Variants in PACRG observed in about 807,000 individuals in gnomAD.
PACRG encodes the protein parkin coregulated, also known as parkin coregulated gene protein.
In PACRG, 29 loss-of-function variants were observed where a neutral mutation model predicts 29.7. That is an observed-to-expected ratio of 0.98 (90% CI 0.73 to 1.33). The LOEUF (loss-of-function observed/expected upper bound fraction) is 1.33. Among genes scored for constraint, PACRG ranks in the 40% most tolerant of loss-of-function variants. The probability of loss-of-function intolerance (pLI) is 0.00; values close to 1 mark genes in which losing one functional copy is unlikely to be tolerated. For missense variants in PACRG, 279 were observed against 316.2 expected (o/e 0.88, Z 0.89); for synonymous variants, 116 against 118.7 (o/e 0.98, Z 0.15).
chr6:162,824,287 C>G (rs1240549740), intron 2 of PACRG, among the ~76,000 whole-genome samples: 1 of 152,100 alleles, frequency 6.6e-6, no homozygotes, highest in Non-Finnish European at 1.5e-5. Flanking sequence ...CCACCATCAC[C>G]CTTTTATTCT....
intron 2 of PACRG, among the ~76,000 whole-genome samples, chr6:162,950,185 T>C (rs1055182030): frequency 6.6e-6 from 1 of 152,184 alleles, no homozygotes; most frequent in Admixed American, 6.5e-5. Flanking sequence ...TTTACTGATA[T>C]GATGCAGTAA....
chr6:162,971,552 C>T (rs1801528597), intron 2 of PACRG, among the ~76,000 whole-genome samples: 1 of 152,218 alleles, frequency 6.6e-6, no homozygotes. Flanking sequence ...GTGCCCTCAT[C>T]ATCGCCTCTT....
intron 2 of PACRG, among the ~76,000 whole-genome samples, chr6:163,009,623 A>T (rs1805434434): frequency 6.6e-6 from 1 of 152,204 alleles, no homozygotes. Context: ...TGGCAATCCA[A>T]ATTATGAAAA....
At chr6:163,132,498 T>A (rs989954071) in intron 4 of PACRG, among the ~76,000 whole-genome samples, 2 of 152,208 alleles carry the variant, frequency 1.3e-5, no homozygotes, top group Non-Finnish European at 2.9e-5. Flanking sequence ...TATATCCATT[T>A]CCTCTAAGAA....
chr6:163,057,516 A>G (rs1462988163), intron 2 of PACRG, among the ~76,000 whole-genome samples: 1 of 152,120 alleles, frequency 6.6e-6, no homozygotes, highest in Non-Finnish European at 1.5e-5. Flanking sequence ...CCTGAGCTCA[A>G]GCAATCCTCC....
At chr6:163,296,940 A>G (rs374988867) in intron 4 of PACRG, among the ~76,000 whole-genome samples, 55 of 152,344 alleles carry the variant, frequency 3.6e-4, no homozygotes, top group African/African-American at 1.3e-3. Context: ...AATACCAGAT[A>G]ATTTCGAACT....
intron 1 of PACRG, among the ~76,000 whole-genome samples, chr6:162,770,994 G>A (rs1385768764): frequency 1.3e-5 from 2 of 152,040 alleles, no homozygotes; most frequent in Non-Finnish European, 2.9e-5. Flanking sequence ...CCATAAAGGA[G>A]TTTATAATCA....
chr6:163,062,149 G>T lies in PACRG; in HGVS notation c.292-1G>T. On this transcript the variant is annotated splice_acceptor_variant, in intron 2 of 4. Transcript: ENST00000366888. LOFTEE classifies it high-confidence loss of function. ...GGCGTCTCTTCTTTCTTTACTTTCA[G>T]GTAGAAATTGAGAAGCTGGATTACC... The T allele has an allele frequency of 6.2e-7, 1 of 1,613,476 alleles. No individual in the cohort carries two copies. The highest frequency in any genetic ancestry group is 8.5e-7 in the Non-Finnish European group (1 of 1,179,782).
intron 4 of PACRG, among the ~76,000 whole-genome samples, chr6:163,160,223 T>C (rs1235172687): frequency 1.3e-5 from 2 of 152,166 alleles, no homozygotes; most frequent in African/African-American, 4.8e-5. Flanking sequence ...TCCAAGAAAC[T>C]TAATAAAGAT....
rs527678800 is a variant in PACRG at position 162,841,561 on chromosome 6, A to G, written c.291+27280A>G. Among the ~76,000 whole-genome samples the G allele has an allele frequency of 3.2e-3, 488 of 151,818 alleles. 7 individuals carry two copies. The highest frequency in any genetic ancestry group is 0.011 in the African/African-American group (461 of 41,380). On this transcript the variant is annotated intron_variant, in intron 2 of 4. Transcript: ENST00000366888. The stretch of plus-strand genomic sequence containing the variant: ...CAAAAAACCAGCTCCTGGATTCATT[A>G]ATTTTTTGAAAGGGTTTTTGTGTCT...
rs1170650674 is a variant in PACRG at position 162,821,289 on chromosome 6, A to T, written c.291+7008A>T. Reference sequence around the variant, plus strand: ...TGTTCTTCAAACTAGGGCATACGCCATCTCATCGAGCTTGAAAGTCAACTG... The same window carrying T: ...TGTTCTTCAAACTAGGGCATACGCCTTCTCATCGAGCTTGAAAGTCAACTG... On this transcript the variant is annotated intron_variant, in intron 2 of 4. Transcript: ENST00000366888. Among the ~76,000 whole-genome samples the T allele has an allele frequency of 2.0e-5, 3 of 152,332 alleles. No individual in the cohort carries two copies. In the East Asian group the frequency reaches 5.8e-4, roughly 29 times the overall value.
chr6:163,157,611 C>A (rs1216675128), intron 4 of PACRG, among the ~76,000 whole-genome samples: 1 of 152,186 alleles, frequency 6.6e-6, no homozygotes, highest in Non-Finnish European at 1.5e-5. Flanking sequence ...TCCTGGGGCC[C>A]ATGCTTGCTC....
chr6:163,312,185 TAGG>T (rs938834348), intron 4 of PACRG, among the ~76,000 whole-genome samples: 5 of 152,274 alleles, frequency 3.3e-5, no homozygotes, highest in African/African-American at 9.6e-5. Flanking sequence ...CTTTCATGCC[TAGG>T]AGGAGTTTAT....
At chr6:162,924,045 G>C (rs996346949) in intron 2 of PACRG, among the ~76,000 whole-genome samples, 4 of 151,720 alleles carry the variant, frequency 2.6e-5, no homozygotes, top group African/African-American at 9.7e-5. Context: ...TGGGGGAGTG[G>C]GGTCTTCTTC....
intron 2 of PACRG, among the ~76,000 whole-genome samples, chr6:162,932,424 A>G (rs892063632): frequency 6.6e-6 from 1 of 151,944 alleles, no homozygotes; most frequent in South Asian, 2.1e-4. Context: ...GCTTCTAAAA[A>G]CACACAATTT....
intron 4 of PACRG, among the ~76,000 whole-genome samples, chr6:163,293,186 C>T (rs1354049820): frequency 1.3e-5 from 2 of 152,154 alleles, no homozygotes; most frequent in African/African-American, 4.8e-5. Flanking sequence ...CCTAGGTCAT[C>T]AACAACAATC....
intron 2 of PACRG, among the ~76,000 whole-genome samples, chr6:162,815,226 G>A (rs978730077): frequency 6.6e-6 from 1 of 151,998 alleles, no homozygotes; most frequent in Non-Finnish European, 1.5e-5. Context: ...ATTTAACTGG[G>A]AAGTCCAGCA....
intron 2 of PACRG, among the ~76,000 whole-genome samples, chr6:162,996,550 T>A (rs944938628): frequency 6.6e-6 from 1 of 152,148 alleles, no homozygotes; most frequent in Non-Finnish European, 1.5e-5. Flanking sequence ...ACTAGGGGAA[T>A]GGCTAATTAA....
chr6:163,029,561 A>G lies in PACRG; in HGVS notation c.292-32589A>G, dbSNP rs184199890. 3.9e-5 allele frequency among the ~76,000 whole-genome samples: 6 copies of G among 152,336 alleles called. No homozygotes were observed. The East Asian group carries it at 1.2e-3, about 29-fold the overall frequency. On this transcript the variant is annotated intron_variant, in intron 2 of 4. Transcript: ENST00000366888. The stretch of plus-strand genomic sequence containing the variant: ...GTTGCCAGCCATGTGGATTGCATCA[A>G]TTTGGAAGGAACTTTCAACTCAGTG...
Sources: gnomAD v4.1 joint callset for allele counts (sites outside exome capture counted in the v4.1 genomes callset) on GRCh38, gnomAD v4.1.1 for gene constraint, MANE v1.5 for transcripts, NCBI Gene and HGNC (gene_info 2026-07-23, HGNC 2026-07-21) for gene names.